Variants in SHANK2 observed in about 807,000 individuals in gnomAD.
SHANK2 encodes the protein SH3 and multiple ankyrin repeat domains protein 2.
A neutral mutation model predicts 133.7 loss-of-function variants in SHANK2; 43 were observed. That is an observed-to-expected ratio of 0.32 (90% CI 0.25 to 0.41). The LOEUF (loss-of-function observed/expected upper bound fraction) is 0.41. Among genes scored for constraint, SHANK2 ranks in the 10% least tolerant of loss-of-function variants. The pLI is 1.00. For missense variants in SHANK2, 1,994 were observed against 2,235.8 expected, an observed-to-expected ratio of 0.89 and a Z score of 2.18; for synonymous variants, 1,017 against 952.8, an observed-to-expected ratio of 1.07 and a Z score of -1.24.
chr11:70,710,433 T>C (rs1289931303), intron 14 of SHANK2, among the ~76,000 whole-genome samples: 1 of 152,174 alleles, frequency 6.6e-6, no homozygotes, highest in Non-Finnish European at 1.5e-5. Context: ...GCAGACACCC[T>C]GCTGAATGCG....
rs1267023263 is a variant in SHANK2, at chr11:70,826,813, AT to A, written c.1175-6132del. On this transcript the variant is annotated intron_variant, in intron 11 of 25. Transcript: ENST00000601538. ...GCTACTCTGCTTTTGTGCTCAGGGCATTGAGGAAGAGGCACCGCGGAGGGTT... is the reference window on the plus strand; with the variant it reads ...GCTACTCTGCTTTTGTGCTCAGGGCATGAGGAAGAGGCACCGCGGAGGGTT... 11 of 238,886 alleles carry A rather than the reference AT, an allele frequency of 4.6e-5. No individual in the cohort carries two copies. In the East Asian group the frequency reaches 1.1e-3, roughly 25 times the overall value. The allele number at this position is 238,886 out of a possible 1,614,324, so 14.8% of individuals were successfully genotyped here.
At chr11:70,662,888 C>T (rs545943475) in intron 15 of SHANK2, among the ~76,000 whole-genome samples, 4 of 152,114 alleles carry the variant, frequency 2.6e-5, no homozygotes, top group South Asian at 4.2e-4. Flanking sequence ...GGGTGGCCTG[C>T]GGGGGCAGAA....
chr11:70,481,763 T>C (rs1340368642), intron 25 of SHANK2, among the ~76,000 whole-genome samples: 1 of 152,226 alleles, frequency 6.6e-6, no homozygotes, highest in African/African-American at 2.4e-5. Flanking sequence ...CATTTAAAGG[T>C]GGTGGTGAGT....
intron 10 of SHANK2, among the ~76,000 whole-genome samples, chr11:70,910,682 C>T (rs1555078797): frequency 6.6e-6 from 1 of 152,064 alleles, no homozygotes; most frequent in African/African-American, 2.4e-5. Context: ...TGGTGGACAC[C>T]TGTAATCCCA....
At chr11:71,133,600 T>C (rs551062521) in intron 3 of SHANK2, among the ~76,000 whole-genome samples, 2 of 124,688 alleles carry the variant, frequency 1.6e-5, no homozygotes, top group African/African-American at 6.1e-5. Flanking sequence ...GGTCAGGGGA[T>C]GGGTGGGTAG....
intron 15 of SHANK2, among the ~76,000 whole-genome samples, chr11:70,662,837 C>T (rs1367080497): frequency 6.6e-6 from 1 of 152,190 alleles, no homozygotes; most frequent in Admixed American, 6.5e-5. Context: ...GCTCAGTGAG[C>T]CTCCAGGCTG....
chr11:70,543,942 C>G (rs1259626197), intron 17 of SHANK2, among the ~76,000 whole-genome samples: 3 of 152,204 alleles, frequency 2.0e-5, no homozygotes, highest in South Asian at 4.1e-4. Context: ...GTGGGAACCC[C>G]ACTCATCTGG....
intron 2 of SHANK2, among the ~76,000 whole-genome samples, chr11:71,217,917 C>A (rs572340897): frequency 7.9e-5 from 12 of 152,278 alleles, no homozygotes; most frequent in Admixed American, 6.5e-4. Context: ...GTGGCGCGTT[C>A]TTGGCTCACT....
At position 70,807,144 on chromosome 11, in the gene SHANK2, C is replaced by T; in HGVS notation, c.1521G>A (p.Lys507=). 1 of 717,810 alleles carries T rather than the reference C, an allele frequency of 1.4e-6. No individual in the cohort carries two copies. The highest frequency in any genetic ancestry group is 2.6e-6 in the Non-Finnish European group (1 of 384,936). The allele number at this position is 717,810 out of a possible 1,614,324, so 44.5% of individuals were successfully genotyped here. A position where few individuals can be genotyped will look rare whatever the true frequency, so the allele number is the denominator to read the frequency against. The change falls in exon 13 of 26, where the codon AAG becomes AAA. Residue 507 remains lysine (K), a synonymous_variant. Coordinates refer to ENST00000601538, the MANE Select transcript of SHANK2 (RefSeq NM_012309.5). This position sits in a 1 kb window ranked among gnomAD's most constrained non-coding sequence, Gnocchi z 4.8. ...GGTACTCGAAGGCCGAGAGTGAGTCCTTGTTGGCACCAAGAGCAAAAGGCG... is the reference window on the plus strand; with the variant it reads ...GGTACTCGAAGGCCGAGAGTGAGTCTTTGTTGGCACCAAGAGCAAAAGGCG... ...VGSPFALGAN[K]DSLSAFEYPG...
At chr11:70,700,748 AG>A (rs1945501810) in intron 14 of SHANK2, among the ~76,000 whole-genome samples, 1 of 152,204 alleles carries the variant, frequency 6.6e-6, no homozygotes, top group East Asian at 1.9e-4. Context: ...TCAGCAGGGC[AG>A]GGCCTCAGGA....
chr11:70,789,665 C>T (rs1231897651), intron 14 of SHANK2, among the ~76,000 whole-genome samples: 1 of 152,204 alleles, frequency 6.6e-6, no homozygotes, highest in Non-Finnish European at 1.5e-5. Context: ...TGGGTAGGTG[C>T]TGCTCATCTG....
intron 17 of SHANK2, among the ~76,000 whole-genome samples, chr11:70,597,548 A>C (rs1324491850): frequency 6.6e-6 from 1 of 152,158 alleles, no homozygotes; most frequent in Non-Finnish European, 1.5e-5. Context: ...CAAAGTCCTC[A>C]TGGGACTTCT....
intron 11 of SHANK2, among the ~76,000 whole-genome samples, chr11:70,874,641 T>C (rs1555070840): frequency 6.9e-6 from 1 of 145,030 alleles, no homozygotes; most frequent in African/African-American, 2.6e-5. Flanking sequence ...AAATAGTTCA[T>C]GTAAGCATTG....
At chr11:70,597,262 C>T (rs1207826517) in intron 17 of SHANK2, among the ~76,000 whole-genome samples, 1 of 152,116 alleles carries the variant, frequency 6.6e-6, no homozygotes, top group East Asian at 1.9e-4. Flanking sequence ...CCACCCACTG[C>T]CCCCCGCCTT....
intron 10 of SHANK2, among the ~76,000 whole-genome samples, chr11:70,906,548 G>A (rs1950106801): frequency 1.3e-5 from 2 of 152,184 alleles, no homozygotes; most frequent in African/African-American, 4.8e-5. Flanking sequence ...GACACAGAGA[G>A]CTATTTAGAG....
intron 13 of SHANK2, among the ~76,000 whole-genome samples, chr11:70,805,317 GGAGAGACAGTGA>G (rs1948135222): frequency 6.6e-6 from 1 of 152,240 alleles, no homozygotes; most frequent in Non-Finnish European, 1.5e-5. Flanking sequence ...TTCCTGCTCT[GGAGAGACAGTGA>G]GCTTCCTTGG....
intron 2 of SHANK2, among the ~76,000 whole-genome samples, chr11:71,201,771 A>G (rs187350220): frequency 1.3e-5 from 2 of 152,270 alleles, no homozygotes; most frequent in East Asian, 3.9e-4. Flanking sequence ...GTCCAGAAGG[A>G]GCACGTTGTC....
chr11:70,642,525 G>A (rs926489119), intron 17 of SHANK2, among the ~76,000 whole-genome samples: 1 of 152,344 alleles, frequency 6.6e-6, no homozygotes, highest in African/African-American at 2.4e-5. Context: ...CGGCGGCTCA[G>A]CCTGTCTAAT....
chr11:70,550,658 T>A (rs550341302), intron 17 of SHANK2, among the ~76,000 whole-genome samples: 32 of 152,274 alleles, frequency 2.1e-4, no homozygotes, highest in African/African-American at 7.0e-4. Context: ...AGCGATGTTG[T>A]TAGCGAAGGT....
Sources: gnomAD v4.1 joint callset for allele counts (sites outside exome capture counted in the v4.1 genomes callset) on GRCh38, gnomAD v4.1.1 for gene constraint, Gnocchi (gnomAD v3.1) non-coding constraint, MANE v1.5 for transcripts, NCBI Gene and HGNC (gene_info 2026-07-23, HGNC 2026-07-21) for gene names.